EYS: variants seen among roughly 807,000 people sequenced by gnomAD.
EYS encodes the protein EGF-like photoreceptor maintenance factor.
Under a neutral mutation model 282.1 loss-of-function variants are expected in EYS, and 250 were observed. The ratio of observed to expected loss-of-function variants is 0.89; its 90% CI spans 0.80 to 0.98. The LOEUF (loss-of-function observed/expected upper bound fraction) is 0.98. Ranked by LOEUF, EYS falls within the 50% of genes least tolerant of loss-of-function variation. The pLI, the probability that EYS is intolerant of heterozygous loss-of-function variation, is 0.00. For synonymous variants in EYS, 1,355 were observed against 1,282.9 expected (o/e 1.06, Z -1.20); for missense variants, 4,016 against 3,709.0 (o/e 1.08, Z -2.15).
intron 1 of EYS, among the ~76,000 whole-genome samples, chr6:65,667,390 A>G (rs1223206841): frequency 6.6e-6 from 1 of 151,888 alleles, no homozygotes; most frequent in Non-Finnish European, 1.5e-5. Flanking sequence ...GGCTTCACCC[A>G]TAACTTTCTA....
chr6:64,181,751 C>A (rs1269084777), intron 31 of EYS, among the ~76,000 whole-genome samples: 2 of 152,118 alleles, frequency 1.3e-5, no homozygotes, highest in Non-Finnish European at 2.9e-5. Flanking sequence ...AAAGCAATTA[C>A]TTGTCACTTC....
intron 24 of EYS, among the ~76,000 whole-genome samples, chr6:64,594,494 T>C (rs962370665): frequency 3.3e-5 from 5 of 152,014 alleles, no homozygotes; most frequent in Non-Finnish European, 7.4e-5. Flanking sequence ...ATAGACACCA[T>C]GGAATACAAT....
chr6:65,320,621 T>C (rs1582138643), intron 11 of EYS, among the ~76,000 whole-genome samples: 1 of 152,184 alleles, frequency 6.6e-6, no homozygotes, highest in Non-Finnish European at 1.5e-5. Flanking sequence ...ATGGGATAGA[T>C]GGTGGTAGAA....
At chr6:63,725,840 C>T (rs572584200) in intron 42 of EYS, among the ~76,000 whole-genome samples, 3 of 152,092 alleles carry the variant, frequency 2.0e-5, no homozygotes, top group African/African-American at 7.2e-5. Flanking sequence ...AAAATTGTTT[C>T]TCATTTTCTG....
At chr6:63,888,375 C>G (rs1002240782) in intron 35 of EYS, among the ~76,000 whole-genome samples, 1 of 152,234 alleles carries the variant, frequency 6.6e-6, no homozygotes, top group Non-Finnish European at 1.5e-5. Context: ...TGACACACAC[C>G]TCATACAGGA....
At position 64,284,283 on chromosome 6, in the gene EYS, G is replaced by C. The variant is rs759903316; in HGVS notation, c.6191+22687C>G. On this transcript the variant is annotated intron_variant, in intron 30 of 42. Coordinates refer to ENST00000503581, the MANE Select transcript of EYS (RefSeq NM_001142800.2). ...AATTGGCTAAAACAAATGGGTTACAGGGCCTATGCAAGTCCAAAGTCCAGC... is the reference window on the plus strand; with the variant it reads ...AATTGGCTAAAACAAATGGGTTACACGGCCTATGCAAGTCCAAAGTCCAGC... Among the ~76,000 whole-genome samples the C allele has an allele frequency of 1.1e-4, 17 of 152,132 alleles. No homozygotes were observed. In the South Asian group the frequency reaches 3.5e-3, roughly 31 times the overall value.
intron 35 of EYS, among the ~76,000 whole-genome samples, chr6:63,953,750 C>G (rs572778422): frequency 1.3e-5 from 2 of 152,154 alleles, no homozygotes; most frequent in East Asian, 1.9e-4. Flanking sequence ...CTAGCTCTCC[C>G]TAACTCATCT....
intron 42 of EYS, among the ~76,000 whole-genome samples, chr6:63,725,698 G>A (rs188144828): frequency 2.0e-5 from 3 of 152,088 alleles, no homozygotes; most frequent in South Asian, 2.1e-4. Flanking sequence ...CACTTTGGTC[G>A]AATTCCCTGA....
intron 26 of EYS, among the ~76,000 whole-genome samples, chr6:64,502,255 T>A (rs1777073946): frequency 6.6e-6 from 1 of 152,034 alleles, no homozygotes; most frequent in South Asian, 2.1e-4. Flanking sequence ...TTGTTTTGTT[T>A]TTTTTGCCGG....
intron 1 of EYS, among the ~76,000 whole-genome samples, chr6:65,666,860 C>A (rs1768217658): frequency 1.4e-5 from 2 of 146,818 alleles, no homozygotes; most frequent in South Asian, 4.3e-4. Flanking sequence ...GATAAATACT[C>A]TTGAAAAATA....
chr6:64,743,109 G>A (rs937433620), intron 22 of EYS, among the ~76,000 whole-genome samples: 11 of 152,170 alleles, frequency 7.2e-5, no homozygotes, highest in African/African-American at 7.2e-5. Flanking sequence ...GATGGAAACC[G>A]AGGTGACATT....
intron 12 of EYS, among the ~76,000 whole-genome samples, chr6:65,117,617 G>A (rs928499629): frequency 5.3e-5 from 8 of 152,056 alleles, no homozygotes; most frequent in Admixed American, 6.5e-5. Flanking sequence ...GCTGATTTGA[G>A]GACCAAAATA....
intron 22 of EYS, among the ~76,000 whole-genome samples, chr6:64,754,451 A>G (rs1413638145): frequency 6.6e-6 from 1 of 152,132 alleles, no homozygotes. Flanking sequence ...TGTTCCAAAA[A>G]GTTGAATAGG....
At chr6:63,746,328 GTATTT>G (rs1293598799) in intron 41 of EYS, among the ~76,000 whole-genome samples, 1 of 152,156 alleles carries the variant, frequency 6.6e-6, no homozygotes, top group Non-Finnish European at 1.5e-5. Flanking sequence ...TAGTTTGCCA[GTATTT>G]TATTGAGGAT....
intron 31 of EYS, among the ~76,000 whole-genome samples, chr6:64,182,230 T>G (rs893983041): frequency 3.3e-5 from 5 of 152,196 alleles, no homozygotes; most frequent in Non-Finnish European, 5.9e-5. Context: ...AATCATCATA[T>G]GGAATCTGTC....
intron 33 of EYS, among the ~76,000 whole-genome samples, chr6:64,052,327 C>T (rs1462494511): frequency 1.3e-5 from 2 of 152,068 alleles, no homozygotes; most frequent in Non-Finnish European, 2.9e-5. Flanking sequence ...TATTTTAAAG[C>T]AACTGTTTGC....
chr6:64,223,066 G>A (rs1766150661), intron 31 of EYS, among the ~76,000 whole-genome samples: 1 of 151,526 alleles, frequency 6.6e-6, no homozygotes, highest in Non-Finnish European at 1.5e-5. Flanking sequence ...TTAAGTTTTG[G>A]CTTAAATGGC....
intron 15 of EYS, among the ~76,000 whole-genome samples, chr6:64,935,116 T>C (rs907651486): frequency 4.0e-5 from 6 of 151,782 alleles, no homozygotes; most frequent in Non-Finnish European, 7.4e-5. Context: ...TTATAATCTA[T>C]AGGTCAACCA....
At chr6:65,035,068 C>G (rs1294647115) in intron 13 of EYS, among the ~76,000 whole-genome samples, 2 of 152,082 alleles carry the variant, frequency 1.3e-5, no homozygotes, top group Middle Eastern at 3.2e-3. Flanking sequence ...ATATGCCAAT[C>G]AATACATGGA....
Sources: gnomAD v4.1 joint callset for allele counts (sites outside exome capture counted in the v4.1 genomes callset) on GRCh38, gnomAD v4.1.1 for gene constraint, MANE v1.5 for transcripts, NCBI Gene and HGNC (gene_info 2026-07-23, HGNC 2026-07-21) for gene names.